The following R3HDM4 variants were observed in gnomAD, a reference collection of about 807,000 sequenced individuals.
The protein encoded by R3HDM4 is R3H domain-containing protein 4.
In R3HDM4, 30 loss-of-function variants were observed where a neutral mutation model predicts 31.3. That is an observed-to-expected ratio of 0.96 (90% CI 0.72 to 1.30). R3HDM4 has a LOEUF of 1.30. Among genes scored for constraint, R3HDM4 ranks in the 50% most tolerant of loss-of-function variants. The pLI, the probability that R3HDM4 is intolerant of heterozygous loss-of-function variation, is 0.00. For synonymous variants in R3HDM4, 196 were observed against 156.6 expected, an observed-to-expected ratio of 1.25 and a Z score of -1.88; for missense variants, 444 against 366.1, an observed-to-expected ratio of 1.21 and a Z score of -1.74.
chr19:910,666 G>A (rs1043244277), intron 1 of R3HDM4, among the ~76,000 whole-genome samples: 2 of 151,936 alleles, frequency 1.3e-5, no homozygotes, highest in African/African-American at 2.4e-5. Context: ...CCAATAGACC[G>A]AGACTCTGTC....
Position 899,649 on chromosome 19 carries a change from A to T in R3HDM4, c.599T>A (p.Phe200Tyr). Residue 200 changes from phenylalanine to tyrosine, a missense_variant, in exon 6 of 8, where the codon TTC becomes TAC. By Grantham distance (22) the Phe-to-Tyr change is conservative. Transcript: ENST00000361574. The surrounding 1 kb of genome is among the most constrained non-coding windows in gnomAD (Gnocchi z 6.8). ...LETWEERLLR[F>Y]FSVSPQAVYT... is the part of the protein sequence containing the mutation. ...CACGGCCTGGGGGGACACGGAGAAG[A>T]ACCGAAGCAGCCGCTCCTCCCAGGT... 1 of 1,605,308 alleles carries T rather than the reference A, an allele frequency of 6.2e-7. No homozygotes were observed. The highest frequency in any genetic ancestry group is 1.1e-5 in the South Asian group (1 of 90,820).
chr19:902,810 G>A (rs1568341190), intron 1 of R3HDM4, among the ~76,000 whole-genome samples: 1 of 152,062 alleles, frequency 6.6e-6, no homozygotes, highest in African/African-American at 2.4e-5. Context: ...GCGTGGTGGC[G>A]TGCGCCTGTA....
rs888979724 is a variant in R3HDM4 at position 901,270 on chromosome 19, T to A, written c.351+152A>T. ...GGGTGGGGTGGGGATTCTGGCCTGGTCTGGGGACCCCGAAGGAGACTGAGG... is the reference window on the plus strand; with the variant it reads ...GGGTGGGGTGGGGATTCTGGCCTGGACTGGGGACCCCGAAGGAGACTGAGG... On this transcript the variant is annotated intron_variant, in intron 3 of 7. Transcript: ENST00000361574. 5.7e-6 allele frequency: 5 copies of A among 879,304 alleles called. 1 individual carries two copies. The South Asian group carries it at 7.0e-5, about 12-fold the overall frequency. 54.5% of individuals were successfully genotyped at this position (879,304 alleles called of 1,614,324 possible).
chr19:912,881 C>A (rs2036997540), intron 1 of R3HDM4, among the ~76,000 whole-genome samples: 2 of 151,712 alleles, frequency 1.3e-5, no homozygotes, highest in African/African-American at 4.8e-5. Context: ...CAATGAAGAC[C>A]CCCCACCCAG....
chr19:897,654 G>A, intron 7 of R3HDM4, 114 bp from the exon 8 acceptor site: 1 of 797,096 alleles, frequency 1.3e-6, no homozygotes, highest in Non-Finnish European at 2.0e-6. Context: ...CCGCCAGCTG[G>A]TGTGTGCTGG....
chr19:912,481 C>T (rs1470716995), intron 1 of R3HDM4, among the ~76,000 whole-genome samples: 9 of 81,862 alleles, frequency 1.1e-4, no homozygotes, highest in African/African-American at 4.3e-4. Flanking sequence ...AGTTGCGGGG[C>T]GGACCCAGGA....
intron 1 of R3HDM4, among the ~76,000 whole-genome samples, chr19:903,911 C>T (rs1010811152): frequency 7.2e-5 from 11 of 152,072 alleles, no homozygotes; most frequent in Admixed American, 1.3e-4. Context: ...ATTAGCCGGG[C>T]GTGGTGGTGG....
intron 2 of R3HDM4, chr19:901,768 G>GGGC: frequency 4.1e-6 from 3 of 727,284 alleles, no homozygotes; most frequent in Non-Finnish European, 4.5e-6. Context: ...TGCCCGGGGC[G>GGGC]CCCTCCCACC....
intron 1 of R3HDM4, among the ~76,000 whole-genome samples, chr19:905,257 A>G (rs1357067050): frequency 6.6e-6 from 1 of 151,540 alleles, no homozygotes; most frequent in Non-Finnish European, 1.5e-5. Context: ...TAATCCCAAC[A>G]CTTTGGGAAG....
chr19:901,705 C>T, intron 2 of R3HDM4, 159 bp from the exon 3 acceptor site: 1 of 1,041,820 alleles, frequency 9.6e-7, no homozygotes, highest in South Asian at 1.7e-5. Flanking sequence ...CCACCTAGAC[C>T]CCAGGTTCTG....
Position 913,210 on chromosome 19 carries a change from G to T in R3HDM4, c.-53C>A. 9.5e-7 allele frequency: 1 copy of T among 1,050,926 alleles called. No individual in the cohort carries two copies. The highest frequency in any genetic ancestry group is 4.4e-5 in the South Asian group (1 of 22,720). 65.1% of individuals were successfully genotyped at this position (1,050,926 alleles called of 1,614,324 possible). On this transcript the variant is annotated 5_prime_UTR_variant, in exon 1 of 8. Transcript: ENST00000361574. The surrounding 1 kb of genome is among the most constrained non-coding windows in gnomAD (Gnocchi z 5.0). ...GCCCGGCAGGGCCTTCACCGGGCCG[G>T]GCAGGAAGTGACGGGCGCCCGGAGG...
chr19:910,926 T>C (rs964323475), intron 1 of R3HDM4, among the ~76,000 whole-genome samples: 4 of 151,516 alleles, frequency 2.6e-5, no homozygotes, highest in African/African-American at 4.8e-5. Flanking sequence ...GAGACCATCC[T>C]GGCTCACACG....
intron 3 of R3HDM4, 51 bp downstream of exon 3, chr19:901,371 A>T: frequency 6.4e-7 from 1 of 1,570,230 alleles, no homozygotes; most frequent in Non-Finnish European, 8.6e-7. Flanking sequence ...TGGCCGTAGG[A>T]GAACTGCCGG....
chr19:899,210 C>T lies in R3HDM4; in HGVS notation c.703+230G>A, dbSNP rs1475826510. ...CAGATGGAGGAGTGTCTGTGTCCAG[C>T]AGCCTGGTTGTGTCTGCGGTCACCC... On this transcript the variant is annotated intron_variant, in intron 7 of 7. Coordinates refer to ENST00000361574, the MANE Select transcript of R3HDM4 (RefSeq NM_138774.4). The surrounding 1 kb of genome is among the most constrained non-coding windows in gnomAD (Gnocchi z 6.8). Among the ~76,000 whole-genome samples the T allele has an allele frequency of 6.6e-6, 1 of 152,102 alleles. No individual in the cohort carries two copies. The highest frequency in any genetic ancestry group is 1.5e-5 in the Non-Finnish European group (1 of 68,006).
Position 907,405 on chromosome 19 carries a change from C to T in R3HDM4, c.72-5275G>A, listed in dbSNP as rs946005600. ...CTCCACCCCAGCAGCTGGACAGGGC[C>T]GATAACAGAAGTGACATCCGAGGGG... is the stretch of plus-strand genomic sequence containing the variant. On this transcript the variant is annotated intron_variant, in intron 1 of 7. Coordinates refer to ENST00000361574, the MANE Select transcript of R3HDM4 (RefSeq NM_138774.4). This position sits in a 1 kb window ranked among gnomAD's most constrained non-coding sequence, Gnocchi z 4.1. Among the ~76,000 whole-genome samples the T allele has an allele frequency of 5.3e-5, 8 of 152,006 alleles. No homozygotes were observed. Among genetic ancestry groups the T allele is most frequent in the Non-Finnish European group, 1.0e-4 (7 of 67,968 alleles).
Position 900,105 on chromosome 19 carries a change from T to G in R3HDM4, c.517A>C (p.Ser173Arg). 1 of 1,606,902 alleles carries G rather than the reference T, an allele frequency of 6.2e-7. No homozygotes were observed. The highest frequency in any genetic ancestry group is 8.5e-7 in the Non-Finnish European group (1 of 1,177,198). Residue 173 changes from serine (S) to arginine (R), a missense_variant, in exon 5 of 8, where the codon AGC becomes CGC. Transcript: ENST00000361574. ...YTPRECFQRI[S>R]RRLRAVLKRS... is the part of the protein sequence containing the mutation. ...TTGAGGACGGCTCGCAGACGCCGGC[T>G]GATGCGCTGGAAGCACTCGCGGGGT... is the stretch of plus-strand genomic sequence containing the variant.
chr19:908,814 G>C (rs138630386), intron 1 of R3HDM4, among the ~76,000 whole-genome samples: 3 of 149,716 alleles, frequency 2.0e-5, no homozygotes, highest in Non-Finnish European at 3.0e-5. Context: ...GAAACCAACC[G>C]GCCCCAGCCG....
chr19:898,211 G>A (rs1262451593), intron 7 of R3HDM4, among the ~76,000 whole-genome samples: 1 of 115,194 alleles, frequency 8.7e-6, no homozygotes, highest in Non-Finnish European at 1.8e-5. Flanking sequence ...GTGAAACCCT[G>A]TCTCTACTAA....
At chr19:912,768 C>A (rs1355669921) in intron 1 of R3HDM4, among the ~76,000 whole-genome samples, 1 of 64,164 alleles carries the variant, frequency 1.6e-5, no homozygotes, top group Non-Finnish European at 3.2e-5. Context: ...GATTAGGGGG[C>A]GGACCGGGGA....
Sources: allele counts gnomAD v4.1 joint callset (sites outside exome capture counted in the v4.1 genomes callset), GRCh38; gene constraint gnomAD v4.1.1; non-coding constraint Gnocchi (gnomAD v3.1); transcripts MANE v1.5; gene names NCBI Gene and HGNC (gene_info 2026-07-23, HGNC 2026-07-21).